The following CLSPN variants were observed in gnomAD, a reference collection of about 807,000 sequenced individuals.
CLSPN encodes the protein claspin, also known as claspin homolog.
Under a neutral mutation model 156.3 loss-of-function variants are expected in CLSPN, and 85 were observed. The ratio of observed to expected loss-of-function variants is 0.54; its 90% confidence interval spans 0.46 to 0.65. The LOEUF (loss-of-function observed/expected upper bound fraction) is 0.65, where lower values mean the gene tolerates loss of function less well. Among genes scored for constraint, CLSPN ranks in the 30% least tolerant of loss-of-function variants. The pLI is 0.00. For synonymous variants in CLSPN, 534 were observed against 542.4 expected (o/e 0.98, Z 0.22); for missense variants, 1,407 against 1,554.9 (o/e 0.90, Z 1.60).
rs138072420 is a variant in CLSPN at position 35,742,507 on chromosome 1, G to A, written c.3143+634C>T. On this transcript the variant is annotated intron_variant, in intron 18 of 24. Coordinates refer to ENST00000318121, the MANE Select transcript of CLSPN (RefSeq NM_022111.4). The stretch of plus-strand genomic sequence containing the variant: ...CTCCCAAGTAGCTGGCACTACAGGC[G>A]CCCAGAACCATGCCTGGCTAATTTT... 1.6e-3 allele frequency among the ~76,000 whole-genome samples: 243 copies of A among 151,724 alleles called. 1 individual carries two copies. The highest frequency in any genetic ancestry group is 5.7e-3 in the African/African-American group (234 of 41,382).
chr1:35,738,719 A>G, intron 20 of CLSPN, 137 bp from the exon 21 acceptor site: 2 of 839,134 alleles, frequency 2.4e-6, no homozygotes, highest in Non-Finnish European at 3.6e-6. Context: ...AACAGTTACA[A>G]CTAGGTCTTC....
rs200005611 is a variant in CLSPN at position 35,765,363 on chromosome 1, G to A, written c.25-37C>T. ...CAATATACTTTATATCAACCAGCAGGTGACCGAAAGCTCCAAGTACATAAT... is the reference window on the plus strand; with the variant it reads ...CAATATACTTTATATCAACCAGCAGATGACCGAAAGCTCCAAGTACATAAT... On this transcript the variant is annotated intron_variant, in intron 1 of 24. Transcript: ENST00000318121. 3.5e-6 allele frequency: 5 copies of A among 1,423,702 alleles called. No individual in the cohort carries two copies. The East Asian group carries it at 9.1e-5, about 26-fold the overall frequency. 88.2% of individuals were successfully genotyped at this position (1,423,702 alleles called of 1,614,324 possible). A position where few individuals can be genotyped will look rare whatever the true frequency, so the allele number is the denominator to read the frequency against.
intron 5 of CLSPN, 101 bp downstream of exon 5, chr1:35,762,303 C>T (rs778423907): frequency 9.0e-7 from 1 of 1,111,702 alleles, no homozygotes; most frequent in South Asian, 1.4e-5. Context: ...TGATGGGTAA[C>T]AGAAAAATAT....
At position 35,760,634 on chromosome 1, in the gene CLSPN, T is replaced by G. The variant is rs1571218642; in HGVS notation, c.1287A>C (p.Gln429His). 6.2e-7 allele frequency: 1 copy of G among 1,614,228 alleles called. No individual in the cohort carries two copies. Residue 429 changes from glutamine (Q) to histidine (H), a missense_variant, in exon 8 of 25, where the codon CAA becomes CAC. Gln to His is a conservative substitution (Grantham distance 24). Coordinates refer to ENST00000318121, the MANE Select transcript of CLSPN (RefSeq NM_022111.4). The part of the protein sequence containing the change: ...RPSPGDSSVL[Q>H]QESNFLGNNH... ...TGTTCCCGAGGAAGTTGGATTCCTG[T>G]TGCAACACTGAGCTGTCCCCAGGTG... is the stretch of plus-strand genomic sequence containing the variant.
intron 14 of CLSPN, among the ~76,000 whole-genome samples, chr1:35,747,327 A>T (rs1233122731): frequency 2.6e-5 from 4 of 152,118 alleles, no homozygotes; most frequent in East Asian, 1.9e-4. Flanking sequence ...GCCTCAAAAA[A>T]AAAAATAAAA....
chr1:35,762,277 T>C, intron 5 of CLSPN, 127 bp downstream of exon 5: 2 of 887,222 alleles, frequency 2.3e-6, no homozygotes, highest in Non-Finnish European at 3.5e-6. Flanking sequence ...TTGTTCCTAC[T>C]ATGTACAAAG....
intron 8 of CLSPN, among the ~76,000 whole-genome samples, chr1:35,756,625 G>A (rs1226653128): frequency 6.6e-6 from 1 of 152,124 alleles, no homozygotes; most frequent in African/African-American, 2.4e-5. Context: ...CATAAGAACT[G>A]TTCTCATTCA....
intron 8 of CLSPN, among the ~76,000 whole-genome samples, chr1:35,756,803 GT>G (rs1345085794): frequency 6.6e-6 from 1 of 152,116 alleles, no homozygotes; most frequent in East Asian, 1.9e-4. Flanking sequence ...TGTTCCCACT[GT>G]TTTTACTCTT....
At chr1:35,747,152 C>A (rs896077820) in intron 14 of CLSPN, among the ~76,000 whole-genome samples, 160 bp from the exon 15 acceptor site, 1 of 152,122 alleles carries the variant, frequency 6.6e-6, no homozygotes, top group Non-Finnish European at 1.5e-5. Context: ...GAAACCCCGT[C>A]TCTACTAAAA....
intron 8 of CLSPN, among the ~76,000 whole-genome samples, chr1:35,755,568 T>C (rs1157954775): frequency 6.6e-6 from 1 of 151,958 alleles, no homozygotes; most frequent in Non-Finnish European, 1.5e-5. Flanking sequence ...CCACTGCGAC[T>C]GGCCGATTTT....
At chr1:35,722,906 C>T (rs1641106884) in intron 24 of CLSPN, among the ~76,000 whole-genome samples, 1 of 152,212 alleles carries the variant, frequency 6.6e-6, no homozygotes, top group South Asian at 2.1e-4. Context: ...GTTGGGATTA[C>T]AGGCGTGAAC....
rs1234074045 is a variant in CLSPN, at chr1:35,769,831, G to A, written c.24+16C>T. 6.3e-7 allele frequency: 1 copy of A among 1,593,128 alleles called. No homozygotes were observed. The highest frequency in any genetic ancestry group is 1.7e-5 in the Admixed American group (1 of 58,232). ...GGCCTTCTAAGCCCCCGTGGGGGGC[G>A]TGTGCATAAACTCACCTCAGAACCC... On this transcript the variant is annotated intron_variant, in intron 1 of 24. Coordinates refer to ENST00000318121, the MANE Select transcript of CLSPN (RefSeq NM_022111.4).
intron 2 of CLSPN, 87 bp from the exon 3 acceptor site, chr1:35,764,801 G>A: frequency 1.2e-6 from 1 of 817,930 alleles, no homozygotes; most frequent in Non-Finnish European, 1.8e-6. Context: ...TTTTATACAA[G>A]TGATATATAA....
At chr1:35,768,266 G>C (rs1388841413) in intron 1 of CLSPN, among the ~76,000 whole-genome samples, 1 of 152,106 alleles carries the variant, frequency 6.6e-6, no homozygotes, top group Non-Finnish European at 1.5e-5. Context: ...TGCTCAGGAG[G>C]CTGGGGCAGG....
Position 35,733,772 on chromosome 1 carries a change from G to T in CLSPN, c.*2724C>A. On this transcript the variant is annotated 3_prime_UTR_variant, in exon 25 of 25. Coordinates refer to ENST00000318121, the MANE Select transcript of CLSPN (RefSeq NM_022111.4). ...GTGGGAGGATTACTTGAGGCCAGGAGTTCAAGATCAGCTGGGGCAACACAG... is the reference window on the plus strand; with the variant it reads ...GTGGGAGGATTACTTGAGGCCAGGATTTCAAGATCAGCTGGGGCAACACAG... 1 of 818,722 alleles carries T rather than the reference G, an allele frequency of 1.2e-6. No individual in the cohort carries two copies. Among genetic ancestry groups the T allele is most frequent in the Non-Finnish European group, 1.5e-6 (1 of 678,498 alleles). The allele number at this position is 818,722 out of a possible 1,614,324, so 50.7% of individuals were successfully genotyped here.
intron 8 of CLSPN, among the ~76,000 whole-genome samples, chr1:35,759,736 C>T (rs1394612466): frequency 1.3e-5 from 2 of 150,926 alleles, no homozygotes; most frequent in East Asian, 3.9e-4. Context: ...ACAGAAAAAA[C>T]TTAATTTCAG....
At chr1:35,744,315 CTTTTT>C (rs894020992) in intron 16 of CLSPN, among the ~76,000 whole-genome samples, 3 of 151,566 alleles carry the variant, frequency 2.0e-5, no homozygotes, top group African/African-American at 7.3e-5. Context: ...GTCAGAACTT[CTTTTT>C]TTTTGAGACA....
At chr1:35,749,349 T>G in intron 12 of CLSPN, 118 bp downstream of exon 12, 6 of 921,026 alleles carry the variant, frequency 6.5e-6, no homozygotes, top group South Asian at 1.6e-5. Context: ...CATAGCTACA[T>G]ATGAAACTGG....
Position 35,763,254 on chromosome 1 carries a change from G to A in CLSPN, c.650C>T (p.Thr217Ile), listed in dbSNP as rs1642547810. ...AGAGTTATTTTCATCCTCCAACCCA[G>A]TTTCAAAAAGGTCTTTATCCACAAG... Reference protein sequence around the residue: ...CLLVDKDLFETGLEDENNSPL... With the variant: ...CLLVDKDLFEIGLEDENNSPL... The change falls in exon 4 of 25, where the codon ACT becomes ATT. Residue 217 changes from threonine to isoleucine, a missense_variant. Physicochemically the swap from Thr to Ile is moderately conservative, Grantham distance 89. This residue lies in a region of CLSPN where 1,096 missense variants were observed against 1,193.0 expected (regional missense o/e 0.92). Transcript: ENST00000318121. The A allele has an allele frequency of 6.2e-7, 1 of 1,607,900 alleles. No individual in the cohort carries two copies. The highest frequency in any genetic ancestry group is 1.7e-5 in the Admixed American group (1 of 58,742).
Sources: allele counts gnomAD v4.1 joint callset (sites outside exome capture counted in the v4.1 genomes callset), GRCh38; gene constraint gnomAD v4.1.1; regional missense constraint gnomAD v4.1.1; transcripts MANE v1.5; gene names NCBI Gene and HGNC (gene_info 2026-07-23, HGNC 2026-07-21).